CPAP: variants seen among roughly 807,000 people sequenced by gnomAD.
CPAP encodes the protein centrosome assembly and centriole elongation protein, also known as centrosomal P4.1-associated protein.
At chr13:24,905,896 T>C in the CPAP span, 1 of 1,614,174 alleles carries the variant, frequency 6.2e-7, no homozygotes, top group Admixed American at 1.7e-5. Context: ...TCGATGGTTT[T>C]ATGGTAACAT....
At chr13:24,930,004 G>A in the CPAP span, among the ~76,000 whole-genome samples, 1 of 150,010 alleles carries the variant, frequency 6.7e-6, no homozygotes, top group East Asian at 2.0e-4. Flanking sequence ...GTGAACTCCT[G>A]GGCTCAAGTG....
the CPAP span, chr13:24,910,139 T>C: frequency 6.4e-7 from 1 of 1,558,184 alleles, no homozygotes; most frequent in African/African-American, 1.4e-5. Context: ...CATTTTCTCT[T>C]TTATCCCCAG....
the CPAP span, chr13:24,884,422 A>C: frequency 1.2e-6 from 2 of 1,613,972 alleles, no homozygotes; most frequent in African/African-American, 1.3e-5. Flanking sequence ...TTCCATTGGG[A>C]AACAGTATAA....
chr13:24,913,174 C>G, the CPAP span: 7 of 649,372 alleles, frequency 1.1e-5, no homozygotes, highest in African/African-American at 1.1e-4. Flanking sequence ...CTCAACCCAG[C>G]ATAAAAATGT....
the CPAP span, chr13:24,906,852 T>C: frequency 2.5e-6 from 4 of 1,614,244 alleles, no homozygotes; most frequent in Non-Finnish European, 3.4e-6. Flanking sequence ...TTACTTTCTT[T>C]GCCTTTTTGA....
the CPAP span, among the ~76,000 whole-genome samples, chr13:24,924,094 A>G: frequency 6.6e-6 from 1 of 152,084 alleles, no homozygotes. Context: ...CGGCCTCCCA[A>G]AGTGCTGGAA....
chr13:24,892,734 A>G, the CPAP span: 1 of 1,613,202 alleles, frequency 6.2e-7, no homozygotes, highest in Non-Finnish European at 8.5e-7. Context: ...CATCACTTTT[A>G]TTTCTTCCCG....
the CPAP span, among the ~76,000 whole-genome samples, chr13:24,930,942 C>T: frequency 6.6e-6 from 1 of 152,172 alleles, no homozygotes; most frequent in African/African-American, 2.4e-5. Context: ...AGTGTATAAG[C>T]ATTTCCTTTT....
At chr13:24,883,076 T>C in the CPAP span, 1 of 1,064,960 alleles carries the variant, frequency 9.4e-7, no homozygotes, top group Non-Finnish European at 1.4e-6. Flanking sequence ...ATCTAATCTT[T>C]TCCCCACACA....
the CPAP span, among the ~76,000 whole-genome samples, chr13:24,886,574 CAG>C: frequency 6.6e-6 from 1 of 152,088 alleles, no homozygotes. Flanking sequence ...TGGGAGTACA[CAG>C]GGGTTTAGGC....
chr13:24,883,393 A>ATTTC, the CPAP span: 1 of 1,515,836 alleles, frequency 6.6e-7, no homozygotes, highest in East Asian at 2.4e-5. Flanking sequence ...AAAAAATATG[A>ATTTC]TTTCTTAAAA....
At chr13:24,884,430 T>G in the CPAP span, 1 of 1,614,136 alleles carries the variant, frequency 6.2e-7, no homozygotes. Context: ...GGAAACAGTA[T>G]AACACGGCAC....
At chr13:24,900,838 TGA>T in the CPAP span, among the ~76,000 whole-genome samples, 4 of 152,086 alleles carry the variant, frequency 2.6e-5, no homozygotes, top group African/African-American at 9.7e-5. Flanking sequence ...AGAAATGGAC[TGA>T]GAGAGCAAGA....
chr13:24,883,860 G>T, the CPAP span: 67 of 1,272,716 alleles, frequency 5.3e-5, no homozygotes, highest in Non-Finnish European at 7.4e-5. Flanking sequence ...CCCCTAATAT[G>T]GGTGTCACAT....
chr13:24,905,848 A>G, the CPAP span: 3 of 1,614,006 alleles, frequency 1.9e-6, no homozygotes, highest in East Asian at 4.5e-5. Flanking sequence ...CTTGTGGGCT[A>G]TCCTCTCTGC....
At chr13:24,908,305 TA>T in the CPAP span, among the ~76,000 whole-genome samples, 3 of 151,736 alleles carry the variant, frequency 2.0e-5, no homozygotes, top group Non-Finnish European at 2.9e-5. Context: ...AAACTCCAAT[TA>T]AGACACTTGA....
At chr13:24,909,558 A>G in the CPAP span, among the ~76,000 whole-genome samples, 1 of 151,780 alleles carries the variant, frequency 6.6e-6, no homozygotes, top group Admixed American at 6.6e-5. Flanking sequence ...GGGACAAAAA[A>G]AAATAACCAT....
At chr13:24,904,037 A>G in the CPAP span, 4 of 1,613,936 alleles carry the variant, frequency 2.5e-6, no homozygotes, top group Non-Finnish European at 3.4e-6. Flanking sequence ...CTCTCTCAAA[A>G]CCTGGGATCG....
At chr13:24,919,314 G>A in the CPAP span, among the ~76,000 whole-genome samples, 1 of 152,190 alleles carries the variant, frequency 6.6e-6, no homozygotes, top group Admixed American at 6.5e-5. Flanking sequence ...ATGAGAGACT[G>A]ACCAATCACC....
Sources: allele counts gnomAD v4.1 joint callset (sites outside exome capture counted in the v4.1 genomes callset), GRCh38; gene constraint gnomAD v4.1.1; transcripts MANE v1.5; gene names NCBI Gene and HGNC (gene_info 2026-07-23, HGNC 2026-07-21).